MAFF: variants seen among roughly 807,000 people sequenced by gnomAD.
MAFF encodes transcription factor MafF.
MAFF carries 4 observed loss-of-function variants against 2.7 expected under a neutral mutation model. The observed-to-expected ratio is 1.48, with a 90% CI of 0.73 to 3.39. The LOEUF (loss-of-function observed/expected upper bound fraction) is 3.39, where lower values mean the gene tolerates loss of function less well. MAFF is among the 30% of genes most tolerant of loss of function. MAFF has a pLI of 0.01. For missense variants in MAFF, 190 were observed against 246.6 expected (o/e 0.77, Z 1.54); for synonymous variants, 113 against 119.4 (o/e 0.95, Z 0.35).
Position 38,215,825 on chromosome 22 carries a change from G to C in MAFF, c.*947G>C, listed in dbSNP as rs554903501. ...ACCTCAACCCCTGTCAGTGTCCACTGTGGGGTGGGGGCTGACCCCTGCCTT... is the reference window on the plus strand; with the variant it reads ...ACCTCAACCCCTGTCAGTGTCCACTCTGGGGTGGGGGCTGACCCCTGCCTT... On this transcript the variant is annotated 3_prime_UTR_variant, in exon 3 of 3. Transcript: ENST00000338483. The C allele has an allele frequency of 6.0e-6, 1 of 167,290 alleles. No homozygotes were observed. The highest frequency in any genetic ancestry group is 2.1e-4 in the South Asian group (1 of 4,832). 10.4% of individuals were successfully genotyped at this position (167,290 alleles called of 1,614,324 possible).
chr22:38,208,397 T>C (rs1217034000), intron 1 of MAFF, among the ~76,000 whole-genome samples: 1 of 152,152 alleles, frequency 6.6e-6, no homozygotes, highest in Admixed American at 6.6e-5. Context: ...CACCCCACCT[T>C]TGGGCCCAAA....
chr22:38,204,558 T>C (rs1282398624), intron 1 of MAFF, among the ~76,000 whole-genome samples: 1 of 151,928 alleles, frequency 6.6e-6, no homozygotes, highest in Non-Finnish European at 1.5e-5. Context: ...CCACAACACA[T>C]GGAGAAAAAG....
chr22:38,207,416 T>C (rs1299330759), intron 1 of MAFF, among the ~76,000 whole-genome samples: 1 of 141,650 alleles, frequency 7.1e-6, no homozygotes, highest in Non-Finnish European at 1.5e-5. Context: ...CCACCTTGCT[T>C]GGCCATCTTT....
At chr22:38,206,112 A>C (rs1011639382) in intron 1 of MAFF, among the ~76,000 whole-genome samples, 5 of 152,168 alleles carry the variant, frequency 3.3e-5, no homozygotes, top group Non-Finnish European at 7.3e-5. Context: ...GCTATTATCA[A>C]GGATAGGGAA....
Position 38,214,978 on chromosome 22 carries a change from G to C in MAFF, c.*100G>C, listed in dbSNP as rs1193796314. ...TGTGCCCAGGTCCCATTTCTCTGCA[G>C]CACTGGCCCCTTGGTGCACACACAT... On this transcript the variant is annotated 3_prime_UTR_variant, in exon 3 of 3. Coordinates refer to ENST00000338483, the MANE Select transcript of MAFF (RefSeq NM_012323.4). This position sits in a 1 kb window ranked among gnomAD's most constrained non-coding sequence, Gnocchi z 6.3. The C allele has an allele frequency of 1.1e-6, 1 of 882,332 alleles. No homozygotes were observed. Among genetic ancestry groups the C allele is most frequent in the Admixed American group, 2.2e-5 (1 of 45,224 alleles). 54.7% of individuals were successfully genotyped at this position (882,332 alleles called of 1,614,324 possible). A position where few individuals can be genotyped will look rare whatever the true frequency, so the allele number is the denominator to read the frequency against.
rs941143551 is a variant in MAFF at position 38,214,721 on chromosome 22, C to A, written c.338C>A (p.Ala113Glu). The A allele has an allele frequency of 6.0e-6, 9 of 1,496,126 alleles. No individual in the cohort carries two copies. The highest frequency in any genetic ancestry group is 7.1e-6 in the Non-Finnish European group (8 of 1,129,112). 92.7% of individuals were successfully genotyped at this position (1,496,126 alleles called of 1,614,324 possible). A position where few individuals can be genotyped will look rare whatever the true frequency, so the allele number is the denominator to read the frequency against. The change falls in exon 3 of 3, where the codon GCG becomes GAG. Residue 113 changes from alanine to glutamate, a missense_variant. Physicochemically the swap from Ala to Glu is moderately radical, Grantham distance 107 (BLOSUM62 -1). Coordinates refer to ENST00000338483, the MANE Select transcript of MAFF (RefSeq NM_012323.4). The surrounding 1 kb of genome is among the most constrained non-coding windows in gnomAD (Gnocchi z 6.3). ...GACGCGCTGCGCGGCAAGTGCGAGG[C>A]GCTGCAGGGCTTCGCGCGCTCCGTG... ...ELDALRGKCEALQGFARSVAA... is the reference protein window; with the variant it reads ...ELDALRGKCEELQGFARSVAA...
intron 1 of MAFF, among the ~76,000 whole-genome samples, chr22:38,208,276 A>G (rs1412907614): frequency 1.3e-5 from 2 of 152,206 alleles, no homozygotes; most frequent in Non-Finnish European, 2.9e-5. Flanking sequence ...GGGAAAGTGG[A>G]GACCCAGAGA....
At chr22:38,205,996 G>A (rs559787223) in intron 1 of MAFF, among the ~76,000 whole-genome samples, 5 of 152,278 alleles carry the variant, frequency 3.3e-5, no homozygotes, top group South Asian at 4.1e-4. Flanking sequence ...TCCAGGATGC[G>A]GTTGAGGGGG....
intron 1 of MAFF, among the ~76,000 whole-genome samples, chr22:38,211,051 G>A (rs892378568): frequency 6.6e-6 from 1 of 151,672 alleles, no homozygotes; most frequent in African/African-American, 2.4e-5. Context: ...GAGTGAGTGA[G>A]ACCCTGTATA....
chr22:38,210,341 G>T (rs560257478), intron 1 of MAFF, among the ~76,000 whole-genome samples: 1 of 152,282 alleles, frequency 6.6e-6, no homozygotes, highest in African/African-American at 2.4e-5. Flanking sequence ...GACTGTGTGG[G>T]CTGGGAGGAG....
chr22:38,212,307 C>G (rs947690708), intron 1 of MAFF, among the ~76,000 whole-genome samples: 3 of 152,314 alleles, frequency 2.0e-5, no homozygotes, highest in Admixed American at 6.5e-5. Flanking sequence ...AGCCTATCTT[C>G]CTTTATTTTC....
intron 1 of MAFF, among the ~76,000 whole-genome samples, chr22:38,211,766 T>A (rs2091103402): frequency 6.6e-6 from 1 of 152,162 alleles, no homozygotes; most frequent in Non-Finnish European, 1.5e-5. Context: ...CCATGTGCTT[T>A]CCATTTCTGC....
chr22:38,207,606 AT>A (rs572625838), intron 1 of MAFF, among the ~76,000 whole-genome samples: 19 of 145,968 alleles, frequency 1.3e-4, no homozygotes, highest in Middle Eastern at 3.5e-3. Flanking sequence ...CACCCGGCTA[AT>A]TTTTTTTTTA....
intron 1 of MAFF, among the ~76,000 whole-genome samples, chr22:38,210,786 G>A (rs1602335108): frequency 6.6e-6 from 1 of 151,976 alleles, no homozygotes; most frequent in Non-Finnish European, 1.5e-5. Context: ...GAGGCCATGC[G>A]TCGTGGCTCA....
Position 38,202,749 on chromosome 22 carries a change from G to C in MAFF, c.-32+537G>C, listed in dbSNP as rs1044207453. Reference sequence around the variant, plus strand: ...CGCGCTCCCTGGGGCCTGTACACCAGCAGTGTGTACCTCGGAGAGGGCGTG... The same window carrying C: ...CGCGCTCCCTGGGGCCTGTACACCACCAGTGTGTACCTCGGAGAGGGCGTG... On this transcript the variant is annotated intron_variant, in intron 1 of 2. Transcript: ENST00000338483. This position sits in a 1 kb window ranked among gnomAD's most constrained non-coding sequence, Gnocchi z 7.4. 1.3e-5 allele frequency: 2 copies of C among 152,396 alleles called. No homozygotes were observed. The highest frequency in any genetic ancestry group is 4.8e-5 in the African/African-American group (2 of 41,434). 9.4% of individuals were successfully genotyped at this position (152,396 alleles called of 1,614,324 possible).
At chr22:38,213,546 A>C (rs2091118130) in intron 1 of MAFF, 1 of 535,750 alleles carries the variant, frequency 1.9e-6, no homozygotes, top group African/African-American at 1.9e-5. Context: ...AGAATGGTCA[A>C]AGAGGACCTC....
chr22:38,211,129 G>A (rs1283224853), intron 1 of MAFF, among the ~76,000 whole-genome samples: 3 of 152,110 alleles, frequency 2.0e-5, no homozygotes, highest in Non-Finnish European at 2.9e-5. Context: ...GGAGAGGAGC[G>A]TGCATCCTGT....
At chr22:38,205,917 T>G (rs976399184) in intron 1 of MAFF, among the ~76,000 whole-genome samples, 1 of 152,230 alleles carries the variant, frequency 6.6e-6, no homozygotes, top group African/African-American at 2.4e-5. Flanking sequence ...TTCTTGTGAC[T>G]TTCCCCCTGT....
chr22:38,211,520 C>T lies in MAFF; in HGVS notation c.-31-2303C>T, dbSNP rs561775968. ...GATTACAGGCGTGAGCCACCGCGCC[C>T]GGCCACTGGGGATCACTTTCTGCAG... On this transcript the variant is annotated intron_variant, in intron 1 of 2. Transcript: ENST00000338483. Among the ~76,000 whole-genome samples, 3 of 99,574 alleles carry T rather than the reference C, an allele frequency of 3.0e-5. No individual in the cohort carries two copies. In the East Asian group the frequency reaches 1.0e-3, roughly 34 times the overall value. 65.3% of individuals were successfully genotyped at this position (99,574 alleles called of 152,430 possible). A position where few individuals can be genotyped will look rare whatever the true frequency, so the allele number is the denominator to read the frequency against.
Sources: gnomAD v4.1 joint callset for allele counts (sites outside exome capture counted in the v4.1 genomes callset) on GRCh38, gnomAD v4.1.1 for gene constraint, Gnocchi (gnomAD v3.1) non-coding constraint, MANE v1.5 for transcripts, NCBI Gene and HGNC (gene_info 2026-07-23, HGNC 2026-07-21) for gene names.